ZBTB1: variants seen among roughly 807,000 people sequenced by gnomAD.
The protein encoded by ZBTB1 is zinc finger and BTB domain-containing protein 1.
A neutral mutation model predicts 51.6 loss-of-function variants in ZBTB1; 13 were observed. That is an observed-to-expected ratio of 0.25 (90% CI 0.16 to 0.40). ZBTB1 has a LOEUF of 0.40. ZBTB1 is among the 10% of genes least tolerant of loss of function. The pLI is 1.00. For missense variants in ZBTB1, 567 were observed against 856.5 expected (o/e 0.66, Z 4.22); for synonymous variants, 240 against 282.2 (o/e 0.85, Z 1.50).
At chr14:64,521,370 A>C in intron 1 of ZBTB1, 117 bp from the exon 2 acceptor site, 2 of 700,972 alleles carry the variant, frequency 2.9e-6, no homozygotes, top group Admixed American at 7.5e-5. Flanking sequence ...TAGAATGGAA[A>C]GCTCTTAATT....
chr14:64,507,151 A>G (rs574180168), intron 1 of ZBTB1, among the ~76,000 whole-genome samples: 20 of 152,336 alleles, frequency 1.3e-4, no homozygotes, highest in African/African-American at 4.8e-4. Context: ...AAAAATTTCC[A>G]TAGATTTTTG....
chr14:64,525,282 C>T (rs1460885820), downstream of ZBTB1, among the ~76,000 whole-genome samples: 4 of 152,066 alleles, frequency 2.6e-5, no homozygotes, highest in South Asian at 2.1e-4. Flanking sequence ...ATTCAAATAA[C>T]GGGAAGTAGG....
chr14:64,526,268 G>A (rs759474405), downstream of ZBTB1, among the ~76,000 whole-genome samples: 51 of 152,162 alleles, frequency 3.4e-4, no homozygotes, highest in Non-Finnish European at 5.6e-4. Flanking sequence ...TAAAATTAGG[G>A]AGAATGAAAA....
intron 2 of ZBTB1, among the ~76,000 whole-genome samples, chr14:64,530,514 G>A (rs2079934811): frequency 6.6e-6 from 1 of 152,072 alleles, no homozygotes; most frequent in African/African-American, 2.4e-5. Context: ...GGCTGAGGCG[G>A]GAGAACCGCT....
Position 64,524,665 on chromosome 14 carries a change from G to T in ZBTB1, c.*1019G>T. On this transcript the variant is annotated 3_prime_UTR_variant, in exon 2 of 2. Coordinates refer to ENST00000683701, the MANE Select transcript of ZBTB1 (RefSeq NM_001123329.2). ...TTATAAACCTGGTTGTTCTATAAAA[G>T]TAGAGTGCACAAAAAAATGTCTTGT... 1 of 984,814 alleles carries T rather than the reference G, an allele frequency of 1.0e-6. No individual in the cohort carries two copies. The highest frequency in any genetic ancestry group is 1.2e-6 in the Non-Finnish European group (1 of 829,444). The allele number at this position is 984,814 out of a possible 1,614,324, so 61.0% of individuals were successfully genotyped here. A position where few individuals can be genotyped will look rare whatever the true frequency, so the allele number is the denominator to read the frequency against.
chr14:64,529,769 G>T (rs11158544), downstream of ZBTB1, among the ~76,000 whole-genome samples: 26,342 of 151,724 alleles, frequency 0.17, 2,603 homozygotes, highest in Non-Finnish European at 0.22. Flanking sequence ...AGACCCTGTC[G>T]CAAAAAATAA....
At chr14:64,509,623 A>C (rs539264366) in intron 1 of ZBTB1, among the ~76,000 whole-genome samples, 26 of 152,242 alleles carry the variant, frequency 1.7e-4, no homozygotes, top group African/African-American at 6.3e-4. Flanking sequence ...TTTTGGTTTG[A>C]ATTAAACAAA....
At chr14:64,510,609 G>T (rs1244657307) in intron 1 of ZBTB1, among the ~76,000 whole-genome samples, 1 of 152,224 alleles carries the variant, frequency 6.6e-6, no homozygotes, top group Non-Finnish European at 1.5e-5. Flanking sequence ...CTGGATGTGT[G>T]TGGAGGAGGG....
Position 64,506,781 on chromosome 14 carries a change from T to G in ZBTB1, c.-19+1835T>G, listed in dbSNP as rs555441929. Reference sequence around the variant, plus strand: ...CTCCTAATACGATGGCCTACTTTTTTGGGGTTTTTGTGGGGAAGGGACTGG... The same window carrying G: ...CTCCTAATACGATGGCCTACTTTTTGGGGGTTTTTGTGGGGAAGGGACTGG... On this transcript the variant is annotated intron_variant, in intron 1 of 1. Coordinates refer to ENST00000683701, the MANE Select transcript of ZBTB1 (RefSeq NM_001123329.2). Among the ~76,000 whole-genome samples the G allele has an allele frequency of 3.3e-5, 5 of 152,290 alleles. No homozygotes were observed. The South Asian group carries it at 1.0e-3, about 32-fold the overall frequency.
chr14:64,516,974 C>T (rs1172240376), intron 1 of ZBTB1, among the ~76,000 whole-genome samples: 4 of 152,126 alleles, frequency 2.6e-5, no homozygotes, highest in Admixed American at 1.3e-4. Context: ...AAGAAAGGGT[C>T]TTTGGAACTT....
chr14:64,532,952 C>G (rs549242332), exon 3 of ZBTB1: 1 of 151,858 alleles, frequency 6.6e-6, no homozygotes, highest in Non-Finnish European at 1.5e-5. Context: ...TTTATGTACC[C>G]AATTCCTTAT....
intron 1 of ZBTB1, chr14:64,511,328 G>C (rs1173936466): frequency 6.6e-6 from 1 of 152,070 alleles, no homozygotes; most frequent in Non-Finnish European, 1.5e-5. Context: ...CTCTGCTTCT[G>C]GAGAGGGAGA....
intron 1 of ZBTB1, among the ~76,000 whole-genome samples, chr14:64,506,213 A>G (rs2079652233): frequency 6.6e-6 from 1 of 152,162 alleles, no homozygotes; most frequent in Non-Finnish European, 1.5e-5. Flanking sequence ...TTTGGGAGCT[A>G]GAAAGGGGGT....
intron 1 of ZBTB1, among the ~76,000 whole-genome samples, chr14:64,515,346 C>T (rs2079769360): frequency 6.6e-6 from 1 of 152,100 alleles, no homozygotes; most frequent in African/African-American, 2.4e-5. Flanking sequence ...AAAACAAGAA[C>T]AGCTGAAATA....
At chr14:64,508,964 G>A (rs1390314234) in intron 1 of ZBTB1, among the ~76,000 whole-genome samples, 1 of 152,166 alleles carries the variant, frequency 6.6e-6, no homozygotes, top group Non-Finnish European at 1.5e-5. Flanking sequence ...CCTTAAGTGT[G>A]GTAACAGAGC....
At chr14:64,530,079 G>A (rs2079931949) in intron 2 of ZBTB1, among the ~76,000 whole-genome samples, 1 of 152,182 alleles carries the variant, frequency 6.6e-6, no homozygotes, top group Non-Finnish European at 1.5e-5. Flanking sequence ...AATGGTTTAA[G>A]TGAAACAATC....
In ZBTB1 at chr14:64,523,441, A is replaced by C; in HGVS notation, c.1937A>C (p.Lys646Thr). 6.2e-7 allele frequency: 1 copy of C among 1,614,192 alleles called. No individual in the cohort carries two copies. Among genetic ancestry groups the C allele is most frequent in the Non-Finnish European group, 8.5e-7 (1 of 1,180,014 alleles). ...ATTTGTGATCAAGGAAACTTCAGAA[A>C]ACATGACCATGTACGGCATATGATT... is the stretch of plus-strand genomic sequence containing the variant. Reference protein sequence around the residue: ...CSICDQGNFRKHDHVRHMISH... With the variant: ...CSICDQGNFRTHDHVRHMISH... The change falls in exon 2 of 2, where the codon AAA becomes ACA. Residue 646 changes from lysine to threonine, a missense_variant. Around this residue, in one of 5 missense-constraint regions of ZBTB1, gnomAD observed 69 missense variants for 171.8 expected, o/e 0.40. Transcript: ENST00000683701. This position sits in a 1 kb window ranked among gnomAD's most constrained non-coding sequence, Gnocchi z 4.5.
rs56155923 is a variant in ZBTB1 at position 64,517,446 on chromosome 14, TTATTAA to T, written c.-18-4038_-18-4033del. ...AGTTTGTTTCATTCTTGAATTACTCTTATTAATAGAAAGTTTGGTTTTTTAGAAATA... is the reference window on the plus strand; with the variant it reads ...AGTTTGTTTCATTCTTGAATTACTCTTAGAAAGTTTGGTTTTTTAGAAATA... On this transcript the variant is annotated intron_variant, in intron 1 of 1. Coordinates refer to ENST00000683701, the MANE Select transcript of ZBTB1 (RefSeq NM_001123329.2). Among the ~76,000 whole-genome samples, 774 of 152,298 alleles carry T rather than the reference TTATTAA, an allele frequency of 5.1e-3. 3 individuals carry two copies. Among genetic ancestry groups the T allele is most frequent in the Non-Finnish European group, 7.6e-3 (516 of 68,030 alleles).
At position 64,517,756 on chromosome 14, in the gene ZBTB1, AATATATATATAT is replaced by A. The variant is rs71444661; in HGVS notation, c.-18-3716_-18-3705del. On this transcript the variant is annotated intron_variant, in intron 1 of 1. Coordinates refer to ENST00000683701, the MANE Select transcript of ZBTB1 (RefSeq NM_001123329.2). ...CCCACTTCTGTAGTTGCCATTTAGA[AATATATATATAT>A]ATATATATATATATTTTTTTTTTTT... 8.7e-4 allele frequency among the ~76,000 whole-genome samples: 53 copies of A among 60,722 alleles called. 1 individual carries two copies. The highest frequency in any genetic ancestry group is 3.0e-3 in the African/African-American group (47 of 15,770). The allele number at this position is 60,722 out of a possible 152,430, so 39.8% of individuals were successfully genotyped here. A position where few individuals can be genotyped will look rare whatever the true frequency, so the allele number is the denominator to read the frequency against.
Sources: gnomAD v4.1 joint callset for allele counts (sites outside exome capture counted in the v4.1 genomes callset) on GRCh38, gnomAD v4.1.1 for gene constraint, gnomAD v4.1.1 regional missense constraint, Gnocchi (gnomAD v3.1) non-coding constraint, MANE v1.5 for transcripts, NCBI Gene and HGNC (gene_info 2026-07-23, HGNC 2026-07-21) for gene names.